Variants in SAMMSON observed in about 807,000 individuals in gnomAD.
The protein encoded by SAMMSON is survival associated mitochondrial melanoma specific oncogenic non-coding RNA.
intron 7 of SAMMSON, chr3:70,291,771 G>A (rs1419563987): frequency 6.6e-6 from 1 of 152,200 alleles, no homozygotes; most frequent in Non-Finnish European, 1.5e-5. Context: ...TTCCCCTCAT[G>A]TAATAGATGC....
chr3:70,399,592 A>G (rs1286395429), intron 2 of SAMMSON, among the ~76,000 whole-genome samples: 3 of 152,118 alleles, frequency 2.0e-5, no homozygotes, highest in Non-Finnish European at 4.4e-5. Context: ...TGGGCCAGAC[A>G]TGGTGGCTCA....
At chr3:70,223,354 A>G (rs1365694775) in intron 4 of SAMMSON, among the ~76,000 whole-genome samples, 1 of 152,174 alleles carries the variant, frequency 6.6e-6, no homozygotes, top group African/African-American at 2.4e-5. Flanking sequence ...CTATCTCTGC[A>G]CAGATTCCTT....
chr3:70,051,693 G>A (rs2067146817), intron 3 of SAMMSON, among the ~76,000 whole-genome samples: 1 of 151,752 alleles, frequency 6.6e-6, no homozygotes, highest in African/African-American at 2.4e-5. Flanking sequence ...TTAAAAAATT[G>A]TAGAGTGTCT....
At chr3:70,140,706 A>C (rs1263280040) in intron 4 of SAMMSON, among the ~76,000 whole-genome samples, 3 of 152,178 alleles carry the variant, frequency 2.0e-5, no homozygotes, top group Non-Finnish European at 4.4e-5. Context: ...CCAAATATCC[A>C]ATTTCTTTGC....
intron 8 of SAMMSON, among the ~76,000 whole-genome samples, chr3:70,354,817 C>T (rs895102632): frequency 6.6e-6 from 1 of 152,186 alleles, no homozygotes; most frequent in Non-Finnish European, 1.5e-5. Context: ...TTCCTTCCCT[C>T]TGTCCTTCAC....
chr3:70,391,305 A>G (rs1466090537), downstream of SAMMSON, among the ~76,000 whole-genome samples: 2 of 152,202 alleles, frequency 1.3e-5, no homozygotes, highest in Non-Finnish European at 2.9e-5. Context: ...AAAGGCTCAA[A>G]TGATTGGAGT....
In SAMMSON at chr3:70,027,651, G is replaced by C. The variant is rs185972518; in HGVS notation, n.417+13979G>C. ...TTTATTTTAGAATAACACTACCAAG[G>C]TGGATCTATGCATTTATTCTCTTAC... On this transcript the variant is annotated intron_variant and non_coding_transcript_variant, in intron 3 of 9. Coordinates refer to ENST00000642114, the Ensembl canonical transcript of SAMMSON. Among the ~76,000 whole-genome samples, 83 of 152,290 alleles carry C rather than the reference G, an allele frequency of 5.5e-4. 1 individual carries two copies. The highest frequency in any genetic ancestry group is 2.2e-4 in the Non-Finnish European group (15 of 68,030).
intron 4 of SAMMSON, among the ~76,000 whole-genome samples, chr3:70,135,437 G>C (rs2067501697): frequency 6.6e-6 from 1 of 151,928 alleles, no homozygotes; most frequent in Non-Finnish European, 1.5e-5. Context: ...ACCCTTTTTG[G>C]GTTTGTAAGA....
At chr3:70,045,447 A>G (rs1293972102) in intron 3 of SAMMSON, among the ~76,000 whole-genome samples, 1 of 151,698 alleles carries the variant, frequency 6.6e-6, no homozygotes, top group Non-Finnish European at 1.5e-5. Context: ...CCAATTCACT[A>G]GAGGCTCATT....
At chr3:70,354,807 T>A (rs1037765101) in intron 8 of SAMMSON, among the ~76,000 whole-genome samples, 4 of 152,164 alleles carry the variant, frequency 2.6e-5, no homozygotes, top group Non-Finnish European at 5.9e-5. Context: ...TCACCCAGCG[T>A]TCCTTCCCTC....
At chr3:70,173,423 A>C (rs1025303243) in intron 4 of SAMMSON, among the ~76,000 whole-genome samples, 6 of 151,956 alleles carry the variant, frequency 3.9e-5, no homozygotes, top group African/African-American at 7.2e-5. Flanking sequence ...TAATGATATA[A>C]AATTTGTTCA....
At chr3:70,041,675 TA>T (rs1205186144) in intron 3 of SAMMSON, among the ~76,000 whole-genome samples, 2 of 151,952 alleles carry the variant, frequency 1.3e-5, no homozygotes, top group African/African-American at 2.4e-5. Context: ...AAATGCAAAT[TA>T]AAAAATACAC....
At chr3:70,304,546 G>C (rs1459975208) in intron 7 of SAMMSON, among the ~76,000 whole-genome samples, 1 of 151,970 alleles carries the variant, frequency 6.6e-6, no homozygotes, top group Admixed American at 6.6e-5. Flanking sequence ...CTAAAGCCGG[G>C]GGTCAGCCTT....
intron 9 of SAMMSON, among the ~76,000 whole-genome samples, chr3:70,368,682 G>A (rs1280435738): frequency 6.6e-6 from 1 of 151,454 alleles, no homozygotes; most frequent in Non-Finnish European, 1.5e-5. Flanking sequence ...TCCTGTATTT[G>A]TGTGGGTCTA....
At chr3:70,186,725 A>G (rs1311641267) in intron 4 of SAMMSON, among the ~76,000 whole-genome samples, 1 of 152,222 alleles carries the variant, frequency 6.6e-6, no homozygotes, top group Non-Finnish European at 1.5e-5. Flanking sequence ...GTGATGGGAA[A>G]CAAATATCAC....
At chr3:70,220,178 G>T (rs1431383539) in intron 4 of SAMMSON, among the ~76,000 whole-genome samples, 1 of 151,940 alleles carries the variant, frequency 6.6e-6, no homozygotes, top group Non-Finnish European at 1.5e-5. Context: ...AGAGAATAAG[G>T]TTATATTCCA....
intron 6 of SAMMSON, among the ~76,000 whole-genome samples, chr3:70,273,005 C>T (rs1522337): frequency 0.33 from 49,625 of 151,972 alleles, 8,571 homozygotes; most frequent in East Asian, 0.49. Flanking sequence ...AAATCACTTC[C>T]TCCCTTATCA....
intron 4 of SAMMSON, among the ~76,000 whole-genome samples, chr3:70,124,836 A>AAC (rs1553640999): frequency 8.7e-5 from 13 of 148,892 alleles, no homozygotes; most frequent in African/African-American, 3.2e-4. Context: ...AAAAAAAAAA[A>AAC]AAAGAAAGAA....
intron 9 of SAMMSON, among the ~76,000 whole-genome samples, chr3:70,367,894 G>GTTTGTT (rs1382874969): frequency 6.7e-6 from 1 of 149,594 alleles, no homozygotes; most frequent in East Asian, 2.0e-4. Flanking sequence ...TCTGTCTTTT[G>GTTTGTT]TTTGTTTTTG....
Sources: allele counts gnomAD v4.1 joint callset (sites outside exome capture counted in the v4.1 genomes callset), GRCh38; gene constraint gnomAD v4.1.1; transcripts MANE v1.5; gene names NCBI Gene and HGNC (gene_info 2026-07-23, HGNC 2026-07-21).